The following QKI variants were observed in gnomAD, a reference collection of about 807,000 sequenced individuals.
QKI encodes the protein KH domain-containing RNA-binding protein QKI.
QKI carries 10 observed loss-of-function variants against 39.0 expected under a neutral mutation model. The ratio of observed to expected loss-of-function variants is 0.26; its 90% CI spans 0.16 to 0.43. QKI has a LOEUF of 0.43. Among genes scored for constraint, QKI ranks in the 20% least tolerant of loss-of-function variants. The pLI is 1.00. For missense variants in QKI, 218 were observed against 428.0 expected (o/e 0.51, Z 4.33); for synonymous variants, 204 against 155.4 (o/e 1.31, Z -2.33).
At chr6:163,567,094 A>G in intron 7 of QKI, 1 of 1,049,670 alleles carries the variant, frequency 9.5e-7, no homozygotes, top group Non-Finnish European at 1.1e-6. Context: ...TGCCTCAGTT[A>G]TTTTCATTAA....
intron 2 of QKI, among the ~76,000 whole-genome samples, chr6:163,459,284 C>A (rs887557600): frequency 6.6e-6 from 1 of 152,204 alleles, no homozygotes; most frequent in African/African-American, 2.4e-5. Flanking sequence ...CCCAGTGATT[C>A]TCACCTGGTG....
chr6:163,451,054 A>G (rs1790524847), intron 1 of QKI, among the ~76,000 whole-genome samples: 1 of 152,218 alleles, frequency 6.6e-6, no homozygotes, highest in Non-Finnish European at 1.5e-5. Flanking sequence ...AATAAAGAAT[A>G]TCAGCTGATA....
chr6:163,456,616 A>G (rs1169278307), intron 2 of QKI, among the ~76,000 whole-genome samples: 1 of 152,148 alleles, frequency 6.6e-6, no homozygotes, highest in African/African-American at 2.4e-5. Context: ...TTTTACAGTT[A>G]CATTACAATT....
chr6:163,451,575 A>G (rs1790560624), intron 1 of QKI, among the ~76,000 whole-genome samples: 1 of 152,188 alleles, frequency 6.6e-6, no homozygotes, highest in Non-Finnish European at 1.5e-5. Flanking sequence ...AGATCTTTAG[A>G]GATGTCTAAA....
At chr6:163,539,812 GA>G (rs1781405507) in intron 4 of QKI, among the ~76,000 whole-genome samples, 1 of 152,088 alleles carries the variant, frequency 6.6e-6, no homozygotes, top group South Asian at 2.1e-4. Context: ...AGTATTGCAG[GA>G]AAATGCCTAT....
intron 4 of QKI, among the ~76,000 whole-genome samples, chr6:163,551,355 G>C (rs951797528): frequency 6.6e-6 from 1 of 152,192 alleles, no homozygotes; most frequent in Non-Finnish European, 1.5e-5. Context: ...AGTTCCACAA[G>C]ATGTCTCCCA....
chr6:163,560,886 T>G (rs561358733), intron 4 of QKI, among the ~76,000 whole-genome samples: 1 of 152,304 alleles, frequency 6.6e-6, no homozygotes, highest in East Asian at 1.9e-4. Flanking sequence ...ACTGGAACAG[T>G]AAATGGAAAG....
chr6:163,443,895 G>C (rs918357497), intron 1 of QKI, among the ~76,000 whole-genome samples: 3 of 152,112 alleles, frequency 2.0e-5, no homozygotes, highest in African/African-American at 7.2e-5. Context: ...AGAATTTTTG[G>C]GGCATCGGTT....
At chr6:163,535,797 T>C (rs1781162157) in intron 4 of QKI, among the ~76,000 whole-genome samples, 1 of 152,122 alleles carries the variant, frequency 6.6e-6, no homozygotes, top group African/African-American at 2.4e-5. Flanking sequence ...TCGGGCGTGA[T>C]GGCAGGCACC....
chr6:163,475,481 G>T (rs183753314), intron 2 of QKI, among the ~76,000 whole-genome samples: 3 of 152,054 alleles, frequency 2.0e-5, no homozygotes, highest in African/African-American at 7.2e-5. Flanking sequence ...ATATGACACC[G>T]TTTTATATAA....
intron 3 of QKI, among the ~76,000 whole-genome samples, chr6:163,521,218 A>G (rs1206779779): frequency 6.6e-6 from 1 of 152,124 alleles, no homozygotes; most frequent in Non-Finnish European, 1.5e-5. Context: ...CTTAGTAGCT[A>G]TACCTGCTGC....
chr6:163,565,907 TTGA>T, intron 6 of QKI: 1 of 1,612,938 alleles, frequency 6.2e-7, no homozygotes, highest in Non-Finnish European at 8.5e-7. Context: ...CAAGTCTTCA[TTGA>T]TGACTAATTT....
intron 3 of QKI, among the ~76,000 whole-genome samples, chr6:163,500,184 A>G (rs926716119): frequency 4.6e-5 from 7 of 152,216 alleles, no homozygotes; most frequent in Admixed American, 3.9e-4. Flanking sequence ...TAGGCTTGGT[A>G]AAATTTTATT....
At position 163,573,140 on chromosome 6, in the gene QKI, T is replaced by C. The variant is rs1196900374; in HGVS notation, c.*2430T>C. Reference sequence around the variant, plus strand: ...AAATGTGTGACATTTATAGGGAATGTTGGCTCTGAACAAACTTTTGAAAAC... The same window carrying C: ...AAATGTGTGACATTTATAGGGAATGCTGGCTCTGAACAAACTTTTGAAAAC... On this transcript the variant is annotated 3_prime_UTR_variant, in exon 8 of 8. Coordinates refer to ENST00000361752, the MANE Select transcript of QKI (RefSeq NM_006775.3). 2 of 152,214 alleles carry C rather than the reference T, an allele frequency of 1.3e-5. No individual in the cohort carries two copies. The highest frequency in any genetic ancestry group is 4.8e-5 in the African/African-American group (2 of 41,450). The allele number at this position is 152,214 out of a possible 1,614,324, so 9.4% of individuals were successfully genotyped here.
At chr6:163,467,385 T>C (rs893986561) in intron 2 of QKI, among the ~76,000 whole-genome samples, 1 of 152,248 alleles carries the variant, frequency 6.6e-6, no homozygotes, top group African/African-American at 2.4e-5. Context: ...AACTTTCTCA[T>C]ATAATAAGCC....
chr6:163,455,629 C>G (rs561825366), intron 2 of QKI, among the ~76,000 whole-genome samples: 22 of 152,254 alleles, frequency 1.4e-4, no homozygotes, highest in African/African-American at 4.1e-4. Flanking sequence ...TTTGGAAATG[C>G]ACATGGTATA....
chr6:163,416,093 A>AG (rs1352599181), intron 1 of QKI, among the ~76,000 whole-genome samples: 2 of 149,118 alleles, frequency 1.3e-5, no homozygotes, highest in African/African-American at 5.0e-5. Flanking sequence ...ACGCGATGAC[A>AG]GATCGGAGCG....
intron 4 of QKI, among the ~76,000 whole-genome samples, chr6:163,538,112 G>T (rs1781311499): frequency 6.6e-6 from 1 of 151,890 alleles, no homozygotes. Flanking sequence ...CTCACCTCTG[G>T]GCCTTGTAGT....
chr6:163,533,562 A>T (rs1336568449), intron 3 of QKI, among the ~76,000 whole-genome samples: 2 of 152,046 alleles, frequency 1.3e-5, no homozygotes, highest in Non-Finnish European at 2.9e-5. Context: ...TGATTTTTGT[A>T]TGTTCTTGAT....
Sources: allele counts gnomAD v4.1 joint callset (sites outside exome capture counted in the v4.1 genomes callset), GRCh38; gene constraint gnomAD v4.1.1; transcripts MANE v1.5; gene names NCBI Gene and HGNC (gene_info 2026-07-23, HGNC 2026-07-21).